The following ZNF85 variants were observed in gnomAD, a reference collection of about 807,000 sequenced individuals.
The protein encoded by ZNF85 is zinc finger protein 85 (HPF4, HTF1).
ZNF85 carries 50 observed loss-of-function variants against 53.9 expected under a neutral mutation model. The ratio of observed to expected loss-of-function variants is 0.93; its 90% CI spans 0.74 to 1.17. The LOEUF (loss-of-function observed/expected upper bound fraction) is 1.17, where lower values mean the gene tolerates loss of function less well. Among genes scored for constraint, ZNF85 ranks in the 50% most tolerant of loss-of-function variants. ZNF85 has a pLI of 0.00. For missense variants in ZNF85, 747 were observed against 688.5 expected, an observed-to-expected ratio of 1.08 and a Z score of -0.95; for synonymous variants, 225 against 226.1, an observed-to-expected ratio of 1.00 and a Z score of 0.04.
intron 1 of ZNF85, among the ~76,000 whole-genome samples, chr19:20,929,188 CTT>C (rs71174768): frequency 1.0e-4 from 14 of 138,328 alleles, no homozygotes; most frequent in African/African-American, 7.9e-5. Context: ...CTGATCTCTT[CTT>C]TTTTTTTTTT....
chr19:20,948,815 C>CTG lies in ZNF85; in HGVS notation c.302_303dup (p.Lys102Ter). On this transcript the variant is annotated frameshift_variant, in exon 4 of 4. Transcript: ENST00000328178. LOFTEE classifies it high-confidence loss of function. ...AAAAGATTCTTTCCAAAAAGTGACA[C>CTG]TGAAAAGATATGGAAAATGTAGACA... 6.2e-7 allele frequency: 1 copy of CTG among 1,610,678 alleles called. No individual in the cohort carries two copies. Among genetic ancestry groups the CTG allele is most frequent in the Non-Finnish European group, 8.5e-7 (1 of 1,179,056 alleles).
intron 1 of ZNF85, among the ~76,000 whole-genome samples, chr19:20,932,985 T>C (rs1973059762): frequency 6.6e-6 from 1 of 150,846 alleles, no homozygotes; most frequent in Non-Finnish European, 1.5e-5. Context: ...TCAGGAGATC[T>C]AGACCATCCT....
intron 3 of ZNF85, chr19:20,943,007 T>A: frequency 2.0e-6 from 1 of 503,424 alleles, no homozygotes; most frequent in Non-Finnish European, 3.5e-6. Flanking sequence ...AACTTCTGGC[T>A]CCAAATGATC....
intron 3 of ZNF85, among the ~76,000 whole-genome samples, chr19:20,938,876 GTATA>G (rs140643694): frequency 1.9e-4 from 27 of 140,542 alleles, no homozygotes; most frequent in Non-Finnish European, 2.7e-4. Context: ...GTGTGTGTGT[GTATA>G]TATATGTGTG....
At chr19:20,939,086 T>A (rs191809571) in intron 3 of ZNF85, among the ~76,000 whole-genome samples, 3 of 152,314 alleles carry the variant, frequency 2.0e-5, no homozygotes, top group Non-Finnish European at 4.4e-5. Flanking sequence ...TTTACTGCCA[T>A]ACAGTGCCTG....
chr19:20,942,059 C>G (rs1334573921), intron 3 of ZNF85, among the ~76,000 whole-genome samples: 1 of 152,046 alleles, frequency 6.6e-6, no homozygotes, highest in Non-Finnish European at 1.5e-5. Context: ...TTTACAAGAT[C>G]ATTTGATCAT....
At position 20,948,763 on chromosome 19, in the gene ZNF85, C is replaced by T; in HGVS notation, c.249C>T (p.Ala83=). 1 of 1,567,258 alleles carries T rather than the reference C, an allele frequency of 6.4e-7. No homozygotes were observed. Among genetic ancestry groups the T allele is most frequent in the Non-Finnish European group, 8.6e-7 (1 of 1,159,224 alleles). The part of the protein sequence containing the change: ...AKPTVMCSHF[A]QDLWPEQNIK... ...TTTCAGTTATGTGTTCTCATTTTGCCCAAGACCTTTGGCCGGAGCAGAATA... is the reference window on the plus strand; with the variant it reads ...TTTCAGTTATGTGTTCTCATTTTGCTCAAGACCTTTGGCCGGAGCAGAATA... The change falls in exon 4 of 4, where the codon GCC becomes GCT. Residue 83 remains alanine, a synonymous_variant. Coordinates refer to ENST00000328178, the MANE Select transcript of ZNF85 (RefSeq NM_003429.5).
At chr19:20,933,257 G>C (rs1470370624) in intron 1 of ZNF85, among the ~76,000 whole-genome samples, 1 of 151,546 alleles carries the variant, frequency 6.6e-6, no homozygotes, top group African/African-American at 2.4e-5. Flanking sequence ...TGGTTAAAGA[G>C]CTCTCTGACA....
intron 3 of ZNF85, among the ~76,000 whole-genome samples, chr19:20,938,061 A>C (rs988169826): frequency 1.3e-5 from 2 of 152,042 alleles, no homozygotes; most frequent in African/African-American, 4.8e-5. Flanking sequence ...CTTGCTTCAG[A>C]ACCCAGACTA....
At chr19:20,928,313 T>C (rs571328888) in intron 1 of ZNF85, 1 of 152,348 alleles carries the variant, frequency 6.6e-6, no homozygotes, top group African/African-American at 2.4e-5. Flanking sequence ...CAGCAAACTC[T>C]ATAGATTTGA....
intron 3 of ZNF85, among the ~76,000 whole-genome samples, chr19:20,946,069 G>A (rs1973412999): frequency 6.6e-6 from 1 of 150,914 alleles, no homozygotes; most frequent in African/African-American, 2.4e-5. Flanking sequence ...AGATTGTTGG[G>A]TACTTTATTG....
In ZNF85 at chr19:20,949,605, A is replaced by C. The variant is rs188093508; in HGVS notation, c.1091A>C (p.His364Pro). 30 of 1,602,404 alleles carry C rather than the reference A, an allele frequency of 1.9e-5. No individual in the cohort carries two copies. The Admixed American group carries it at 2.9e-4, about 15-fold the overall frequency. ...SAHLTTHEVI[H>P]TGEKPYKCEK... Reference sequence around the variant, plus strand: ...CACCTTACCACACATGAGGTAATTCATACTGGAGAGAAACCCTACAAATGT... The same window carrying C: ...CACCTTACCACACATGAGGTAATTCCTACTGGAGAGAAACCCTACAAATGT... The change falls in exon 4 of 4, where the codon CAT (histidine) becomes CCT (proline). Residue 364 changes from histidine (H) to proline (P), a missense_variant. By Grantham distance (77) the His-to-Pro change is moderately conservative (BLOSUM62 -2). Transcript: ENST00000328178.
At chr19:20,947,487 A>AC (rs1568555455) in intron 3 of ZNF85, among the ~76,000 whole-genome samples, 2 of 61,604 alleles carry the variant, frequency 3.2e-5, no homozygotes, top group Non-Finnish European at 6.2e-5. Flanking sequence ...GTGCCAATAC[A>AC]CTTTTTTTTT....
chr19:20,949,387 T>C lies in ZNF85; in HGVS notation c.873T>C (p.Cys291=). 1 of 1,609,542 alleles carries C rather than the reference T, an allele frequency of 6.2e-7. No individual in the cohort carries two copies. ...AGAAACCCTACAAATGTAAAGAATG[T>C]GGTAAAGCTTTTAACCGATCTTCAA... ...TGEKPYKCKE[C]GKAFNRSSTL... The change falls in exon 4 of 4, where the codon TGT becomes TGC. Residue 291 remains cysteine, a synonymous_variant. Transcript: ENST00000328178.
At position 20,948,756 on chromosome 19, in the gene ZNF85, AT is replaced by A; in HGVS notation, c.246del (p.Phe82LeufsTer11). 1 of 1,557,576 alleles carries A rather than the reference AT, an allele frequency of 6.4e-7. No individual in the cohort carries two copies. Among genetic ancestry groups the A allele is most frequent in the Non-Finnish European group, 8.7e-7 (1 of 1,155,822 alleles). Reference sequence around the variant, plus strand: ...TTGTTTCTTTCAGTTATGTGTTCTCATTTTGCCCAAGACCTTTGGCCGGAGC... The same window carrying A: ...TTGTTTCTTTCAGTTATGTGTTCTCATTTGCCCAAGACCTTTGGCCGGAGC... ...MVAKPTVMCS[H>X]FAQDLWPEQN... On this transcript the variant is annotated frameshift_variant, in exon 4 of 4. Coordinates refer to ENST00000328178, the MANE Select transcript of ZNF85 (RefSeq NM_003429.5). LOFTEE classifies it high-confidence loss of function.
rs541703235 is a variant in ZNF85 at position 20,936,964 on chromosome 19, G to T, written c.229+1917G>T. On this transcript the variant is annotated intron_variant, in intron 3 of 3. Transcript: ENST00000328178. ...GAGCACAATATAGTTTTGCATTGGT[G>T]TATATGAATTTGAATGAGCAAACAG... 1.6e-5 allele frequency: 3 copies of T among 181,916 alleles called. No homozygotes were observed. The Admixed American group carries it at 1.8e-4, about 11-fold the overall frequency. The allele number at this position is 181,916 out of a possible 1,614,324, so 11.3% of individuals were successfully genotyped here. A position where few individuals can be genotyped will look rare whatever the true frequency, so the allele number is the denominator to read the frequency against.
chr19:20,923,532 G>C, intron 1 of ZNF85, 129 bp downstream of exon 1: 2 of 1,494,282 alleles, frequency 1.3e-6, no homozygotes, highest in South Asian at 1.2e-5. Context: ...TTTTTGCCCA[G>C]CTCGGCCCCA....
At chr19:20,925,727 G>A (rs562561945) in intron 1 of ZNF85, among the ~76,000 whole-genome samples, 20 of 152,160 alleles carry the variant, frequency 1.3e-4, no homozygotes, top group Admixed American at 6.5e-5. Context: ...GAGCGGGTGG[G>A]AGAATCTTTC....
intron 1 of ZNF85, among the ~76,000 whole-genome samples, chr19:20,925,546 C>T (rs532941300): frequency 6.6e-6 from 1 of 152,060 alleles, no homozygotes; most frequent in African/African-American, 2.4e-5. Context: ...ATTTTTACCC[C>T]CTGGATTCTC....
Sources: allele counts gnomAD v4.1 joint callset (sites outside exome capture counted in the v4.1 genomes callset), GRCh38; gene constraint gnomAD v4.1.1; transcripts MANE v1.5; gene names NCBI Gene and HGNC (gene_info 2026-07-23, HGNC 2026-07-21).